SMPD3: variants seen among roughly 807,000 people sequenced by gnomAD.
SMPD3 encodes nSMase-2.
Under a neutral mutation model 55.7 loss-of-function variants are expected in SMPD3, and 21 were observed. The ratio of observed to expected loss-of-function variants is 0.38; its 90% CI spans 0.27 to 0.54. The LOEUF is 0.54. SMPD3 is among the 20% of genes least tolerant of loss of function. The pLI is 0.80. For missense variants in SMPD3, 842 were observed against 899.6 expected (o/e 0.94, Z 0.82); for synonymous variants, 457 against 404.3 (o/e 1.13, Z -1.56).
At chr16:68,417,139 G>C (rs1014560175) in intron 1 of SMPD3, among the ~76,000 whole-genome samples, 5 of 152,174 alleles carry the variant, frequency 3.3e-5, no homozygotes, top group African/African-American at 1.2e-4. Flanking sequence ...ATGATTGGCA[G>C]ATGGGGAGGG....
chr16:68,434,629 CCT>C (rs1202734296), intron 1 of SMPD3, among the ~76,000 whole-genome samples: 1 of 152,128 alleles, frequency 6.6e-6, no homozygotes, highest in Non-Finnish European at 1.5e-5. Context: ...CAGGTGGCCC[CCT>C]GTCATCTTGT....
At chr16:68,370,695 CCAGGGCCCTGCTGT>C (rs2089635217) in intron 3 of SMPD3, among the ~76,000 whole-genome samples, 150 bp downstream of exon 3, 1 of 152,162 alleles carries the variant, frequency 6.6e-6, no homozygotes, top group Non-Finnish European at 1.5e-5. Context: ...TGTCCCCGAG[CCAGGGCCCTGCTGT>C]TTGGCTCCAG....
At chr16:68,379,006 C>T (rs1268230497) in intron 2 of SMPD3, among the ~76,000 whole-genome samples, 2 of 152,254 alleles carry the variant, frequency 1.3e-5, no homozygotes, top group African/African-American at 4.8e-5. Context: ...TTCAGCAGTT[C>T]CCCTTTTCCT....
rs995422317 is a variant in SMPD3, at chr16:68,359,268, T to TG, written c.*1937dup. The TG allele has an allele frequency of 7.9e-5, 12 of 152,398 alleles. No homozygotes were observed. Among genetic ancestry groups the TG allele is most frequent in the African/African-American group, 2.9e-4 (12 of 41,446 alleles). 9.4% of individuals were successfully genotyped at this position (152,398 alleles called of 1,614,324 possible). ...CAGAGTACCAGCTGCTTCTGGAAGT[T>TG]GGGGGCCTCCACATCATGAATCCCA... On this transcript the variant is annotated 3_prime_UTR_variant, in exon 9 of 9. Transcript: ENST00000219334.
chr16:68,378,120 T>C (rs555693224), intron 2 of SMPD3, among the ~76,000 whole-genome samples: 11 of 152,306 alleles, frequency 7.2e-5, no homozygotes, highest in Non-Finnish European at 7.4e-5. Flanking sequence ...GTCCCTGCCG[T>C]GTCCACAAGC....
chr16:68,417,451 C>T (rs937205004), intron 1 of SMPD3, among the ~76,000 whole-genome samples: 1 of 152,216 alleles, frequency 6.6e-6, no homozygotes, highest in Non-Finnish European at 1.5e-5. Flanking sequence ...TGACAAAGCC[C>T]CCTCAATTGT....
chr16:68,372,366 A>G lies in SMPD3; in HGVS notation c.-185T>C. The G allele has an allele frequency of 1.4e-6, 1 of 738,348 alleles. No individual in the cohort carries two copies. The highest frequency in any genetic ancestry group is 2.2e-6 in the Non-Finnish European group (1 of 452,036). The allele number at this position is 738,348 out of a possible 1,614,324, so 45.7% of individuals were successfully genotyped here. A position where few individuals can be genotyped will look rare whatever the true frequency, so the allele number is the denominator to read the frequency against. ...CGGTCATGGTTCACCTCGGTGGGCC[A>G]TGCGGAGGCCTACTGCAGACCCTGC... On this transcript the variant is annotated 5_prime_UTR_variant, in exon 3 of 9. It removes an upstream start codon present in the reference 5' UTR. Transcript: ENST00000219334.
At position 68,448,491 on chromosome 16, in the gene SMPD3, C is replaced by G. The variant is rs1341182532; in HGVS notation, c.-407G>C. The G allele has an allele frequency of 6.6e-6, 1 of 152,246 alleles. No homozygotes were observed. The highest frequency in any genetic ancestry group is 1.9e-4 in the East Asian group (1 of 5,176). 9.4% of individuals were successfully genotyped at this position (152,246 alleles called of 1,614,324 possible). A position where few individuals can be genotyped will look rare whatever the true frequency, so the allele number is the denominator to read the frequency against. ...CTCTCGCGGCTCTCGGGTCCGGAGC[C>G]TCCCTCAGACTCAGCACCTGGAGCG... On this transcript the variant is annotated 5_prime_UTR_variant, in exon 1 of 9. Transcript: ENST00000219334.
chr16:68,372,228 G>C lies in SMPD3; in HGVS notation c.-47C>G. On this transcript the variant is annotated 5_prime_UTR_variant, in exon 3 of 9. Coordinates refer to ENST00000219334, the MANE Select transcript of SMPD3 (RefSeq NM_018667.4). ...GCCGGCCCTACTACATGGTGTCCGT[G>C]GCAGCTGCGGGCACTTTCCTGGGCG... The C allele has an allele frequency of 6.3e-7, 1 of 1,586,918 alleles. No homozygotes were observed. The highest frequency in any genetic ancestry group is 8.6e-7 in the Non-Finnish European group (1 of 1,168,192).
rs549273411 is a variant in SMPD3, at chr16:68,404,183, ATTTT to A, written c.-268-17528_-268-17525del. Among the ~76,000 whole-genome samples the A allele has an allele frequency of 7.4e-6, 1 of 135,002 alleles. No homozygotes were observed. Among genetic ancestry groups the A allele is most frequent in the Non-Finnish European group, 1.6e-5 (1 of 62,176 alleles). 88.6% of individuals were successfully genotyped at this position (135,002 alleles called of 152,430 possible). ...CAGTGCACACCACCACGCCCAGCTA[ATTTT>A]TTTTTTTTTTTTTTGAGATGGAGTT... On this transcript the variant is annotated intron_variant, in intron 1 of 8. Coordinates refer to ENST00000219334, the MANE Select transcript of SMPD3 (RefSeq NM_018667.4). This position sits in a 1 kb window ranked among gnomAD's most constrained non-coding sequence, Gnocchi z 4.0.
At chr16:68,378,273 G>T in intron 2 of SMPD3, among the ~76,000 whole-genome samples, 1 of 152,234 alleles carries the variant, frequency 6.6e-6, no homozygotes, top group East Asian at 1.9e-4. Flanking sequence ...GATGCATGCT[G>T]CAGAGGAGTT....
chr16:68,361,520 C>T (rs1166919897), intron 8 of SMPD3, 83 bp downstream of exon 8: 5 of 1,560,144 alleles, frequency 3.2e-6, no homozygotes, highest in Non-Finnish European at 3.5e-6. Flanking sequence ...CGTGGGGTTT[C>T]AGGGAGCGGC....
Position 68,363,492 on chromosome 16 carries a change from T to C in SMPD3, c.1709+4A>G. The stretch of plus-strand genomic sequence containing the variant: ...CGTCCCTGGCCTGGGAGCGCAGTGC[T>C]TACTTCTGCAGGTTGTCGGGGGTGC... On this transcript the variant is annotated splice_donor_region_variant and intron_variant, in intron 7 of 8. Transcript: ENST00000219334. 2 of 1,614,060 alleles carry C rather than the reference T, an allele frequency of 1.2e-6. No homozygotes were observed. Among genetic ancestry groups the C allele is most frequent in the Non-Finnish European group, 1.7e-6 (2 of 1,179,994 alleles).
In SMPD3 at chr16:68,448,467, TCTCGC is replaced by T. The variant is rs1356735178; in HGVS notation, c.-388_-384del. 1 of 151,904 alleles carries T rather than the reference TCTCGC, an allele frequency of 6.6e-6. No individual in the cohort carries two copies. The highest frequency in any genetic ancestry group is 1.5e-5 in the Non-Finnish European group (1 of 68,088). The allele number at this position is 151,904 out of a possible 1,614,324, so 9.4% of individuals were successfully genotyped here. ...TGGCGGCGGCCGCAGCGGCGGCGGC[TCTCGC>T]GGCTCTCGGGTCCGGAGCCTCCCTC... On this transcript the variant is annotated 5_prime_UTR_variant, in exon 1 of 9. Coordinates refer to ENST00000219334, the MANE Select transcript of SMPD3 (RefSeq NM_018667.4).
intron 1 of SMPD3, among the ~76,000 whole-genome samples, chr16:68,401,894 T>A (rs1027651150): frequency 3.3e-5 from 5 of 152,116 alleles, no homozygotes; most frequent in Non-Finnish European, 7.4e-5. Flanking sequence ...TGTTCAGCTC[T>A]CCTTCCCGAC....
In SMPD3 at chr16:68,363,870, TGC is replaced by T. The variant is rs2089394446; in HGVS notation, c.1556-6_1556-5del. ...TGTTGCTGCTCCAGCTTGTCGTCTG[TGC>T]GGGGAGGGAGGAAACGCTGAGGCAC... On this transcript the variant is annotated splice_region_variant and splice_polypyrimidine_tract_variant and intron_variant, in intron 5 of 8. Coordinates refer to ENST00000219334, the MANE Select transcript of SMPD3 (RefSeq NM_018667.4). The T allele has an allele frequency of 5.1e-6, 8 of 1,558,316 alleles. No homozygotes were observed. Among genetic ancestry groups the T allele is most frequent in the African/African-American group, 2.7e-5 (2 of 73,698 alleles).
intron 3 of SMPD3, among the ~76,000 whole-genome samples, chr16:68,366,939 C>T (rs377731802): frequency 2.0e-5 from 3 of 150,612 alleles, no homozygotes; most frequent in Admixed American, 6.6e-5. Context: ...ACCTTGGAGG[C>T]GGAGGTCACA....
intron 1 of SMPD3, among the ~76,000 whole-genome samples, chr16:68,412,101 G>A (rs1277762096): frequency 1.3e-5 from 2 of 152,194 alleles, no homozygotes; most frequent in East Asian, 3.9e-4. Context: ...GTTGCTAGGC[G>A]GAGCTGTGCC....
Position 68,371,216 on chromosome 16 carries a change from C to G in SMPD3, c.966G>C (p.Lys322Asn), listed in dbSNP as rs1233070034. Reference protein sequence around the residue: ...SASGEPGANSKLLYKASVVKK... With the variant: ...SASGEPGANSNLLYKASVVKK... ...TCACCACCGAGGCCTTGTACAGGAG[C>G]TTGCTGTTGGCACCTGGCTCCCCGC... is the stretch of plus-strand genomic sequence containing the variant. Residue 322 changes from lysine to asparagine, a missense_variant, in exon 3 of 9, where the codon AAG becomes AAC. Lys to Asn is a moderately conservative substitution (Grantham distance 94, BLOSUM62 0). Around this residue, in one of 2 missense-constraint regions of SMPD3, gnomAD observed 649 missense variants for 643.6 expected, o/e 1.01. Transcript: ENST00000219334. 1 of 1,609,002 alleles carries G rather than the reference C, an allele frequency of 6.2e-7. No individual in the cohort carries two copies.
Sources: allele counts gnomAD v4.1 joint callset (sites outside exome capture counted in the v4.1 genomes callset), GRCh38; gene constraint gnomAD v4.1.1; regional missense constraint gnomAD v4.1.1; non-coding constraint Gnocchi (gnomAD v3.1); transcripts MANE v1.5; gene names NCBI Gene and HGNC (gene_info 2026-07-23, HGNC 2026-07-21).